The following CUL3 variants were observed in gnomAD, a reference collection of about 807,000 sequenced individuals.
The protein encoded by CUL3 is cullin-3.
In CUL3, 19 loss-of-function variants were observed where a neutral mutation model predicts 89.1. The ratio of observed to expected loss-of-function variants is 0.21; its 90% CI spans 0.15 to 0.31. CUL3 has a LOEUF of 0.31. Ranked by LOEUF, CUL3 falls within the 10% of genes least tolerant of loss-of-function variation. The pLI is 1.00. For synonymous variants in CUL3, 351 were observed against 308.4 expected (o/e 1.14, Z -1.45); for missense variants, 469 against 942.3 (o/e 0.50, Z 6.58).
intron 6 of CUL3, among the ~76,000 whole-genome samples, chr2:224,508,734 C>A (rs962393613): frequency 6.6e-6 from 1 of 152,012 alleles, no homozygotes; most frequent in Admixed American, 6.6e-5. Context: ...CTGAGACGGG[C>A]GGATCACAAG....
chr2:224,570,135 T>C (rs765734923), intron 1 of CUL3, among the ~76,000 whole-genome samples: 21 of 152,088 alleles, frequency 1.4e-4, no homozygotes, highest in Admixed American at 8.5e-4. Flanking sequence ...GCACAATGTA[T>C]AGATAATATT....
rs544538946 is a variant in CUL3 at position 224,509,736 on chromosome 2, T to A, written c.883+1618A>T. ...TCAGGTATGCCCAACAACCTCTCCATCAAACATTTCCTATCCCCTAAGGTA... is the reference window on the plus strand; with the variant it reads ...TCAGGTATGCCCAACAACCTCTCCAACAAACATTTCCTATCCCCTAAGGTA... On this transcript the variant is annotated intron_variant, in intron 6 of 15. Transcript: ENST00000264414. Among the ~76,000 whole-genome samples, 89 of 152,360 alleles carry A rather than the reference T, an allele frequency of 5.8e-4. 2 individuals are homozygous for A. Among genetic ancestry groups the A allele is most frequent in the African/African-American group, 2.0e-3 (83 of 41,590 alleles).
chr2:224,575,170 T>C (rs950031204), intron 1 of CUL3, among the ~76,000 whole-genome samples: 9 of 152,310 alleles, frequency 5.9e-5, no homozygotes, highest in African/African-American at 2.2e-4. Context: ...CACACTGATG[T>C]AGTAGTTAGG....
At chr2:224,486,681 T>C (rs1014526916) in intron 13 of CUL3, among the ~76,000 whole-genome samples, 1 of 152,128 alleles carries the variant, frequency 6.6e-6, no homozygotes, top group African/African-American at 2.4e-5. Flanking sequence ...GGAACCAACT[T>C]GGAAAACACA....
chr2:224,557,432 T>C (rs1055306168), intron 2 of CUL3, among the ~76,000 whole-genome samples: 2 of 152,166 alleles, frequency 1.3e-5, no homozygotes, highest in African/African-American at 4.8e-5. Flanking sequence ...CATTATGATT[T>C]AAAGAAAGCA....
At chr2:224,543,890 T>A (rs1694202449) in intron 2 of CUL3, among the ~76,000 whole-genome samples, 1 of 151,624 alleles carries the variant, frequency 6.6e-6, no homozygotes, top group Non-Finnish European at 1.5e-5. Context: ...GAGGCTGAGG[T>A]GGGAGGATCA....
intron 2 of CUL3, 77 bp downstream of exon 2, chr2:224,557,582 C>T (rs1032189897): frequency 1.0e-5 from 10 of 984,264 alleles, no homozygotes; most frequent in East Asian, 5.0e-5. Flanking sequence ...AGAACACTTC[C>T]GGTCAAAGTG....
Position 224,470,752 on chromosome 2 carries a change from T to C in CUL3, c.*3493A>G, listed in dbSNP as rs1691101753. 1.3e-5 allele frequency: 3 copies of C among 231,812 alleles called. No homozygotes were observed. In the South Asian group the frequency reaches 5.4e-4, roughly 42 times the overall value. The allele number at this position is 231,812 out of a possible 1,614,324, so 14.4% of individuals were successfully genotyped here. ...ACCAAAAGTTGGTATCAGCAAATAA[T>C]GTAAAGCTAACAAAAATGTGCAAAA... On this transcript the variant is annotated 3_prime_UTR_variant, in exon 16 of 16. Coordinates refer to ENST00000264414, the MANE Select transcript of CUL3 (RefSeq NM_003590.5).
intron 13 of CUL3, among the ~76,000 whole-genome samples, chr2:224,487,284 A>T (rs1346124033): frequency 1.3e-5 from 2 of 152,138 alleles, no homozygotes; most frequent in African/African-American, 4.8e-5. Context: ...CTTAAACGTA[A>T]AGGGGCTAAA....
intron 14 of CUL3, among the ~76,000 whole-genome samples, chr2:224,480,481 A>G (rs956315882): frequency 2.6e-5 from 4 of 152,134 alleles, no homozygotes; most frequent in African/African-American, 9.7e-5. Flanking sequence ...CATCATATAT[A>G]TATTTCTGTT....
intron 1 of CUL3, among the ~76,000 whole-genome samples, chr2:224,558,590 A>AT (rs1418941402): frequency 2.6e-5 from 4 of 152,222 alleles, no homozygotes; most frequent in Non-Finnish European, 5.9e-5. Context: ...GACCAGACAC[A>AT]TAAGCAACAC....
At chr2:224,489,482 C>A (rs893725314) in intron 13 of CUL3, among the ~76,000 whole-genome samples, 5 of 152,118 alleles carry the variant, frequency 3.3e-5, no homozygotes, top group African/African-American at 1.2e-4. Context: ...AGCCAAATCA[C>A]GAGTGAACTC....
At chr2:224,565,911 T>G (rs534865137) in intron 1 of CUL3, among the ~76,000 whole-genome samples, 1 of 152,326 alleles carries the variant, frequency 6.6e-6, no homozygotes, top group Admixed American at 6.5e-5. Context: ...CTAGATGGCT[T>G]TTATGGCTTT....
At chr2:224,530,190 G>A (rs1693641953) in intron 3 of CUL3, among the ~76,000 whole-genome samples, 1 of 152,196 alleles carries the variant, frequency 6.6e-6, no homozygotes, top group Non-Finnish European at 1.5e-5. Context: ...AGTGAGCCAA[G>A]ATCGCGCCAC....
intron 13 of CUL3, among the ~76,000 whole-genome samples, chr2:224,487,443 CAAAAA>C (rs530054431): frequency 1.1e-4 from 3 of 28,082 alleles, no homozygotes; most frequent in Admixed American, 1.0e-3. Context: ...CCGCCCCCCC[CAAAAA>C]AAAAAAAAAA....
In CUL3 at chr2:224,474,201, G is replaced by A; in HGVS notation, c.*44C>T. On this transcript the variant is annotated 3_prime_UTR_variant, in exon 16 of 16. Transcript: ENST00000264414. The stretch of plus-strand genomic sequence containing the variant: ...GATTTAAAAGAACTTCCCAGTCCAT[G>A]CGAAGAGTACAGTCCAAGAATAAAT... 1 of 1,574,072 alleles carries A rather than the reference G, an allele frequency of 6.4e-7. No individual in the cohort carries two copies. Among genetic ancestry groups the A allele is most frequent in the Non-Finnish European group, 8.6e-7 (1 of 1,160,172 alleles).
intron 2 of CUL3, among the ~76,000 whole-genome samples, chr2:224,545,864 A>T (rs528754610): frequency 6.6e-6 from 1 of 152,330 alleles, no homozygotes; most frequent in South Asian, 2.1e-4. Context: ...AATTTCATAC[A>T]TAAAGATAAT....
chr2:224,513,879 C>A (rs1166318026), intron 4 of CUL3, among the ~76,000 whole-genome samples: 2 of 152,112 alleles, frequency 1.3e-5, no homozygotes, highest in African/African-American at 2.4e-5. Flanking sequence ...CTAAATATTT[C>A]TATGTATTTG....
At chr2:224,549,168 T>C (rs1043681387) in intron 2 of CUL3, among the ~76,000 whole-genome samples, 24 of 151,546 alleles carry the variant, frequency 1.6e-4, no homozygotes, top group African/African-American at 4.9e-4. Context: ...AATACAAAGA[T>C]TGGCCGAGCA....
Sources: gnomAD v4.1 joint callset for allele counts (sites outside exome capture counted in the v4.1 genomes callset) on GRCh38, gnomAD v4.1.1 for gene constraint, MANE v1.5 for transcripts, NCBI Gene and HGNC (gene_info 2026-07-23, HGNC 2026-07-21) for gene names.